The following TASP1 variants were observed in gnomAD, a reference collection of about 807,000 sequenced individuals.
The protein encoded by TASP1 is taspase 1.
TASP1 carries 16 observed loss-of-function variants against 56.6 expected under a neutral mutation model. The observed-to-expected ratio is 0.28, with a 90% CI of 0.19 to 0.43. The LOEUF (loss-of-function observed/expected upper bound fraction) is 0.43. Ranked by LOEUF, TASP1 falls within the 20% of genes least tolerant of loss-of-function variation. The pLI is 1.00. For synonymous variants in TASP1, 179 were observed against 184.2 expected (o/e 0.97, Z 0.23); for missense variants, 393 against 511.6 (o/e 0.77, Z 2.24).
Position 13,439,511 on chromosome 20 carries a change from T to C in TASP1, c.986-4357A>G, listed in dbSNP as rs111437150. On this transcript the variant is annotated intron_variant, in intron 11 of 13. Transcript: ENST00000337743. ...TCACACACCGGGGCCTGTTGTGGGG[T>C]CGGGGGAGTGGGGAGGGATAGCATT... Among the ~76,000 whole-genome samples the C allele has an allele frequency of 2.1e-4, 31 of 151,030 alleles. 3 individuals carry two copies. Among genetic ancestry groups the C allele is most frequent in the African/African-American group, 7.3e-4 (30 of 40,922 alleles).
chr20:13,632,086 C>T (rs1295799301), intron 1 of TASP1, among the ~76,000 whole-genome samples: 2 of 147,786 alleles, frequency 1.4e-5, no homozygotes, highest in African/African-American at 2.5e-5. Context: ...ATTTTTTGGC[C>T]GGGCACAGTG....
intron 13 of TASP1, among the ~76,000 whole-genome samples, chr20:13,395,731 T>G (rs2041507921): frequency 6.7e-6 from 1 of 149,386 alleles, no homozygotes. Context: ...AGACGCAGTC[T>G]CACTCTGTCA....
the TASP1 span, among the ~76,000 whole-genome samples, chr20:13,128,734 A>G: frequency 6.6e-6 from 1 of 151,938 alleles, no homozygotes; most frequent in Non-Finnish European, 1.5e-5. Context: ...TCTGTCACCC[A>G]GGCTGAAGGG....
chr20:13,636,312 A>ATTTT (rs1173047379), intron 1 of TASP1, among the ~76,000 whole-genome samples: 1 of 132,810 alleles, frequency 7.5e-6, no homozygotes, highest in Non-Finnish European at 1.6e-5. Flanking sequence ...TGCCGGGCTA[A>ATTTT]TTTTTTTTTT....
chr20:13,437,608 C>A (rs377755886), intron 11 of TASP1, among the ~76,000 whole-genome samples: 1 of 152,116 alleles, frequency 6.6e-6, no homozygotes. Flanking sequence ...ATCTAGAAAA[C>A]CCCATTGTCT....
chr20:13,494,720 T>C (rs1231522094), intron 10 of TASP1, among the ~76,000 whole-genome samples: 1 of 151,878 alleles, frequency 6.6e-6, no homozygotes, highest in Non-Finnish European at 1.5e-5. Flanking sequence ...AAAGGAGATA[T>C]AAACAAAGAA....
intron 10 of TASP1, 78 bp downstream of exon 10, chr20:13,528,355 C>T: frequency 8.0e-7 from 1 of 1,250,564 alleles, no homozygotes; most frequent in Admixed American, 2.0e-5. Context: ...TCTATGTTTA[C>T]CCACAAATAT....
At chr20:13,285,585 A>T in the TASP1 span, among the ~76,000 whole-genome samples, 27 of 152,326 alleles carry the variant, frequency 1.8e-4, no homozygotes, top group Non-Finnish European at 2.6e-4. Flanking sequence ...GACGGAATGC[A>T]CGGGCACTTT....
intron 6 of TASP1, among the ~76,000 whole-genome samples, chr20:13,576,342 GAAGAAAGAAAGAAAGA>G (rs71188165): frequency 0.01 from 1,344 of 131,730 alleles, 21 homozygotes; most frequent in African/African-American, 0.032. Flanking sequence ...AGAAAGAAAG[GAAGAAAGAAAGAAAGA>G]AAGAAAGAAA....
chr20:13,603,403 A>C (rs972438472), intron 4 of TASP1, among the ~76,000 whole-genome samples: 1 of 152,042 alleles, frequency 6.6e-6, no homozygotes, highest in South Asian at 2.1e-4. Context: ...TTTGCCAAGC[A>C]TGGTGGTACA....
chr20:13,562,812 G>C (rs6079108), intron 7 of TASP1, among the ~76,000 whole-genome samples: 1 of 150,760 alleles, frequency 6.6e-6, no homozygotes, highest in Non-Finnish European at 1.5e-5. Context: ...GGGCAGTCAA[G>C]GTTGCAGTGA....
intron 10 of TASP1, among the ~76,000 whole-genome samples, chr20:13,513,167 T>C (rs2044399896): frequency 1.3e-5 from 2 of 152,138 alleles, no homozygotes; most frequent in South Asian, 4.1e-4. Context: ...AAGTCAGTCA[T>C]TTTGCCAATC....
At chr20:13,335,948 G>C in the TASP1 span, among the ~76,000 whole-genome samples, 2 of 151,990 alleles carry the variant, frequency 1.3e-5, no homozygotes, top group Non-Finnish European at 2.9e-5. Flanking sequence ...GGAACTAAAA[G>C]AATAAATTTC....
intron 6 of TASP1, among the ~76,000 whole-genome samples, chr20:13,571,740 G>A (rs185788742): frequency 7.9e-5 from 12 of 152,248 alleles, no homozygotes; most frequent in African/African-American, 2.9e-4. Flanking sequence ...AAAAACTAGG[G>A]TCTTTTTAAA....
chr20:13,341,206 C>T, the TASP1 span, among the ~76,000 whole-genome samples: 1 of 152,206 alleles, frequency 6.6e-6, no homozygotes, highest in Non-Finnish European at 1.5e-5. Context: ...CAAATGTCAT[C>T]GTGGTAGCAG....
At chr20:13,331,081 G>T in the TASP1 span, among the ~76,000 whole-genome samples, 31 of 151,898 alleles carry the variant, frequency 2.0e-4, no homozygotes, top group Middle Eastern at 3.2e-3. Flanking sequence ...CTTGTTTTAA[G>T]GTTGGAGCTT....
the TASP1 span, among the ~76,000 whole-genome samples, chr20:13,183,574 T>A: frequency 1.3e-5 from 2 of 152,118 alleles, no homozygotes; most frequent in African/African-American, 4.8e-5. Flanking sequence ...TACCAAAAAA[T>A]TTAATAGGTT....
chr20:13,540,446 T>G (rs2045579166), intron 8 of TASP1, among the ~76,000 whole-genome samples: 1 of 152,212 alleles, frequency 6.6e-6, no homozygotes, highest in African/African-American at 2.4e-5. Context: ...TCAAGGGTGT[T>G]CATGGCACCT....
At chr20:13,301,323 G>A in the TASP1 span, among the ~76,000 whole-genome samples, 1 of 152,214 alleles carries the variant, frequency 6.6e-6, no homozygotes, top group Non-Finnish European at 1.5e-5. Context: ...CGAGTAGCTG[G>A]GATTACAGGC....
Sources: gnomAD v4.1 joint callset for allele counts (sites outside exome capture counted in the v4.1 genomes callset) on GRCh38, gnomAD v4.1.1 for gene constraint, MANE v1.5 for transcripts, NCBI Gene and HGNC (gene_info 2026-07-23, HGNC 2026-07-21) for gene names.